GPR26: variants seen among roughly 807,000 people sequenced by gnomAD.
GPR26 encodes the protein G protein-coupled receptor 26.
A neutral mutation model predicts 23.1 loss-of-function variants in GPR26; 15 were observed. That is an observed-to-expected ratio of 0.65 (90% CI 0.43 to 1.00). The LOEUF is 1.00. GPR26 is among the 50% of genes least tolerant of loss of function. GPR26 has a pLI of 0.00. For missense variants in GPR26, 359 were observed against 470.5 expected (o/e 0.76, Z 2.19); for synonymous variants, 228 against 222.1 (o/e 1.03, Z -0.24).
At chr10:123,687,834 C>A in intron 2 of GPR26, 95 bp from the exon 3 acceptor site, 1 of 777,076 alleles carries the variant, frequency 1.3e-6, no homozygotes, top group African/African-American at 1.7e-5. Flanking sequence ...GGCTGCGAAA[C>A]CGTGGTCTGC....
In GPR26 at chr10:123,695,030, G is replaced by A. The variant is rs545971459; in HGVS notation, c.*6870G>A. Among the ~76,000 whole-genome samples, 28 of 152,276 alleles carry A rather than the reference G, an allele frequency of 1.8e-4. No individual in the cohort carries two copies. In the South Asian group the frequency reaches 2.3e-3, roughly 12 times the overall value. The stretch of plus-strand genomic sequence containing the variant: ...CAGGACAAACGGAAAAATCCACACA[G>A]CAGAAACAAGCAGTTGGCAAAAGCT... On this transcript the variant is annotated 3_prime_UTR_variant, in exon 3 of 3. Coordinates refer to ENST00000284674, the MANE Select transcript of GPR26 (RefSeq NM_153442.4).
intron 1 of GPR26, among the ~76,000 whole-genome samples, chr10:123,670,900 A>G (rs1845242447): frequency 6.6e-6 from 1 of 152,174 alleles, no homozygotes; most frequent in Non-Finnish European, 1.5e-5. Flanking sequence ...GGCTGTAGGT[A>G]GGCACATCCC....
Position 123,674,711 on chromosome 10 carries a change from A to T in GPR26, c.669-107A>T. 1 of 694,396 alleles carries T rather than the reference A, an allele frequency of 1.4e-6. No individual in the cohort carries two copies. The highest frequency in any genetic ancestry group is 2.5e-6 in the Non-Finnish European group (1 of 401,114). The allele number at this position is 694,396 out of a possible 1,614,324, so 43.0% of individuals were successfully genotyped here. ...TGACGCTGGGTCTTTCCGACTCCAT[A>T]GTCAAGTTCTCACACTAGAGACTGC... On this transcript the variant is annotated intron_variant, in intron 1 of 2. Transcript: ENST00000284674. The surrounding 1 kb of genome is among the most constrained non-coding windows in gnomAD (Gnocchi z 4.1).
At chr10:123,683,072 G>T (rs4980315) in intron 2 of GPR26, among the ~76,000 whole-genome samples, 7,061 of 136,732 alleles carry the variant, frequency 0.052, 189 homozygotes, top group African/African-American at 0.057. Context: ...GAAAGAGGAA[G>T]AGAGAAGAGA....
chr10:123,673,005 G>C (rs906133251), intron 1 of GPR26, among the ~76,000 whole-genome samples: 1 of 152,072 alleles, frequency 6.6e-6, no homozygotes, highest in Non-Finnish European at 1.5e-5. Context: ...TCCCCATCAC[G>C]ATATCTAGCA....
At chr10:123,680,838 GTT>G (rs1564732149) in intron 2 of GPR26, among the ~76,000 whole-genome samples, 1 of 95,294 alleles carries the variant, frequency 1.0e-5, no homozygotes, top group Admixed American at 1.3e-4. Context: ...GGGGGGGGGG[GTT>G]GTTTTTTTGT....
Position 123,691,437 on chromosome 10 carries a change from AAGAT to A in GPR26, c.*3281_*3284del, listed in dbSNP as rs1365898945. On this transcript the variant is annotated 3_prime_UTR_variant, in exon 3 of 3. Transcript: ENST00000284674. Reference sequence around the variant, plus strand: ...TTCATGGTGCCTTTCTTTCTAAGAAAAGATAGAAAGAATGGGGCCAGGTTCATGT... The same window carrying A: ...TTCATGGTGCCTTTCTTTCTAAGAAAAGAAAGAATGGGGCCAGGTTCATGT... The A allele has an allele frequency of 6.6e-6, 1 of 152,196 alleles. No individual in the cohort carries two copies. The highest frequency in any genetic ancestry group is 2.4e-5 in the African/African-American group (1 of 41,438). The allele number at this position is 152,196 out of a possible 1,614,324, so 9.4% of individuals were successfully genotyped here.
intron 2 of GPR26, among the ~76,000 whole-genome samples, chr10:123,683,182 T>C (rs1845396455): frequency 8.4e-6 from 1 of 118,936 alleles, no homozygotes; most frequent in Non-Finnish European, 1.9e-5. Context: ...CACTGAGGAA[T>C]GGGAACCTGA....
rs892634692 is a variant in GPR26, at chr10:123,697,251, A to G, written c.*9091A>G. Among the ~76,000 whole-genome samples, 1 of 152,246 alleles carries G rather than the reference A, an allele frequency of 6.6e-6. No homozygotes were observed. The highest frequency in any genetic ancestry group is 1.5e-5 in the Non-Finnish European group (1 of 68,052). On this transcript the variant is annotated 3_prime_UTR_variant, in exon 3 of 3. Coordinates refer to ENST00000284674, the MANE Select transcript of GPR26 (RefSeq NM_153442.4). ...ATGGGACTCAAGAATTTTGAATCCA[A>G]GGCCAATGCTGCCTGCTCTGTTTAC...
rs947812527 is a variant in GPR26 at position 123,695,011 on chromosome 10, A to G, written c.*6851A>G. Among the ~76,000 whole-genome samples the G allele has an allele frequency of 6.6e-6, 1 of 152,214 alleles. No individual in the cohort carries two copies. The highest frequency in any genetic ancestry group is 6.5e-5 in the Admixed American group (1 of 15,284). ...GGGCACTGCCACATACCCCCAGGACAAACGGAAAAATCCACACAGCAGAAA... is the reference window on the plus strand; with the variant it reads ...GGGCACTGCCACATACCCCCAGGACGAACGGAAAAATCCACACAGCAGAAA... On this transcript the variant is annotated 3_prime_UTR_variant, in exon 3 of 3. Coordinates refer to ENST00000284674, the MANE Select transcript of GPR26 (RefSeq NM_153442.4).
At chr10:123,676,017 C>A (rs1271752823) in intron 2 of GPR26, among the ~76,000 whole-genome samples, 3 of 152,180 alleles carry the variant, frequency 2.0e-5, no homozygotes, top group Non-Finnish European at 4.4e-5. Context: ...GCCCTGTTTC[C>A]TCCCATTTGT....
rs933241735 is a variant in GPR26 at position 123,689,187 on chromosome 10, T to TA, written c.*1029dup. 12 of 152,210 alleles carry TA rather than the reference T, an allele frequency of 7.9e-5. No homozygotes were observed. Among genetic ancestry groups the TA allele is most frequent in the African/African-American group, 2.9e-4 (12 of 41,448 alleles). The allele number at this position is 152,210 out of a possible 1,614,324, so 9.4% of individuals were successfully genotyped here. A position where few individuals can be genotyped will look rare whatever the true frequency, so the allele number is the denominator to read the frequency against. The stretch of plus-strand genomic sequence containing the variant: ...ATTTCCTTAGTTTCTGTAAGCCTGT[T>TA]AACAGAAAGTAGAGGCTATTCAAGG... On this transcript the variant is annotated 3_prime_UTR_variant, in exon 3 of 3. Coordinates refer to ENST00000284674, the MANE Select transcript of GPR26 (RefSeq NM_153442.4).
intron 2 of GPR26, among the ~76,000 whole-genome samples, chr10:123,679,181 G>T (rs1039554817): frequency 6.6e-6 from 1 of 152,206 alleles, no homozygotes; most frequent in Non-Finnish European, 1.5e-5. Flanking sequence ...CCCTTGTGGA[G>T]AATCAAAAGC....
At chr10:123,671,063 C>T (rs972075221) in intron 1 of GPR26, among the ~76,000 whole-genome samples, 6 of 152,160 alleles carry the variant, frequency 3.9e-5, no homozygotes, top group Non-Finnish European at 7.3e-5. Context: ...CTCCATCAGT[C>T]GGCTTGTTCC....
rs1845503024 is a variant in GPR26, at chr10:123,692,869, C to A, written c.*4709C>A. On this transcript the variant is annotated 3_prime_UTR_variant, in exon 3 of 3. Transcript: ENST00000284674. ...GTGACCATGGGGAAACTGAGTGTTT[C>A]TATTAATAAGTATCTAAGTTTCAAT... The A allele has an allele frequency of 6.6e-6, 1 of 152,106 alleles. No homozygotes were observed. Among genetic ancestry groups the A allele is most frequent in the Non-Finnish European group, 1.5e-5 (1 of 68,028 alleles). 9.4% of individuals were successfully genotyped at this position (152,106 alleles called of 1,614,324 possible).
intron 2 of GPR26, 35 bp from the exon 3 acceptor site, chr10:123,687,894 A>G (rs369529397): frequency 7.7e-6 from 11 of 1,429,210 alleles, no homozygotes; most frequent in South Asian, 1.1e-5. Context: ...GTGCTTAGCT[A>G]TGTCCTCATT....
At chr10:123,687,818 G>A in intron 2 of GPR26, 111 bp from the exon 3 acceptor site, 2 of 672,210 alleles carry the variant, frequency 3.0e-6, no homozygotes, top group East Asian at 2.6e-5. Flanking sequence ...GATAAATTGA[G>A]GGTTGGGCTG....
rs141884313 is a variant in GPR26, at chr10:123,690,903, C to G, written c.*2743C>G. 40 of 152,296 alleles carry G rather than the reference C, an allele frequency of 2.6e-4. No homozygotes were observed. The highest frequency in any genetic ancestry group is 8.9e-4 in the African/African-American group (37 of 41,562). 9.4% of individuals were successfully genotyped at this position (152,296 alleles called of 1,614,324 possible). A position where few individuals can be genotyped will look rare whatever the true frequency, so the allele number is the denominator to read the frequency against. Reference sequence around the variant, plus strand: ...CAAGATTTTCAGCATCTGAATCAAACTAAAATTACTTGCTTGACTTCACTC... The same window carrying G: ...CAAGATTTTCAGCATCTGAATCAAAGTAAAATTACTTGCTTGACTTCACTC... On this transcript the variant is annotated 3_prime_UTR_variant, in exon 3 of 3. Coordinates refer to ENST00000284674, the MANE Select transcript of GPR26 (RefSeq NM_153442.4).
chr10:123,669,478 T>C (rs1845226751), intron 1 of GPR26, among the ~76,000 whole-genome samples: 1 of 152,194 alleles, frequency 6.6e-6, no homozygotes, highest in Non-Finnish European at 1.5e-5. Flanking sequence ...AGTGAGCCTC[T>C]CAGGGCCATT....
Sources: allele counts gnomAD v4.1 joint callset (sites outside exome capture counted in the v4.1 genomes callset), GRCh38; gene constraint gnomAD v4.1.1; non-coding constraint Gnocchi (gnomAD v3.1); transcripts MANE v1.5; gene names NCBI Gene and HGNC (gene_info 2026-07-23, HGNC 2026-07-21).